CLEC12A: variants seen among roughly 807,000 people sequenced by gnomAD.
CLEC12A encodes C-type lectin domain family 12 member A.
CLEC12A carries 22 observed loss-of-function variants against 26.5 expected under a neutral mutation model. The ratio of observed to expected loss-of-function variants is 0.83; its 90% CI spans 0.59 to 1.19. CLEC12A has a LOEUF of 1.19. Ranked by LOEUF, CLEC12A falls within the 50% of genes most tolerant of loss-of-function variation. CLEC12A has a pLI of 0.00. For synonymous variants in CLEC12A, 119 were observed against 101.9 expected (o/e 1.17, Z -1.01); for missense variants, 353 against 315.6 (o/e 1.12, Z -0.90).
chr12:9,998,479 A>G (rs1865105249), downstream of CLEC12A: 1 of 763,766 alleles, frequency 1.3e-6, no homozygotes, highest in Non-Finnish European at 2.3e-6. Context: ...AGGGTCCTCC[A>G]AGTAATAGAA....
At chr12:10,002,029 A>G in the CLEC12A span, among the ~76,000 whole-genome samples, 158 of 151,458 alleles carry the variant, frequency 1.0e-3, 1 homozygote, top group South Asian at 0.018. Context: ...ACAGGCGCCC[A>G]CCACCACGCC....
downstream of CLEC12A, among the ~76,000 whole-genome samples, chr12:9,989,175 G>A (rs1293440960): frequency 6.8e-6 from 1 of 146,068 alleles, no homozygotes; most frequent in Non-Finnish European, 1.5e-5. Flanking sequence ...AGAACACCTG[G>A]ACACAGGAAG....
rs1864118281 is a variant in CLEC12A, at chr12:9,971,437, G to A, written c.-160G>A. ...TCATTTGCAGACATATGGGTGATTG[G>A]TACAGTAGGTTTATAAACAGAAGTT... On this transcript the variant is annotated 5_prime_UTR_variant, in exon 1 of 6. It introduces an in-frame stop codon into an upstream open reading frame of the 5' UTR. Transcript: ENST00000304361. The A allele has an allele frequency of 7.4e-7, 1 of 1,349,286 alleles. No individual in the cohort carries two copies. The highest frequency in any genetic ancestry group is 9.5e-7 in the Non-Finnish European group (1 of 1,051,830). 83.6% of individuals were successfully genotyped at this position (1,349,286 alleles called of 1,614,324 possible).
intron 4 of CLEC12A, chr12:9,992,843 A>C (rs1163073663): frequency 3.1e-5 from 8 of 257,746 alleles, no homozygotes; most frequent in Middle Eastern, 2.6e-3. Flanking sequence ...TTTTGATGTT[A>C]TATGTGTATA....
intron 1 of CLEC12A, among the ~76,000 whole-genome samples, chr12:9,977,045 A>T (rs956266418): frequency 6.6e-6 from 1 of 152,148 alleles, no homozygotes; most frequent in African/African-American, 2.4e-5. Context: ...AGTCTTGGGT[A>T]TGTCTTATTA....
At position 9,984,971 on chromosome 12, in the gene CLEC12A, G is replaced by A. The variant is rs146428503; in HGVS notation, c.743G>A (p.Cys248Tyr). 46 of 1,556,018 alleles carry A rather than the reference G, an allele frequency of 3.0e-5. No individual in the cohort carries two copies. The highest frequency in any genetic ancestry group is 3.9e-5 in the Non-Finnish European group (45 of 1,148,426). ...YHCTYKKRMI[C>Y]EKMANPVQLG... is the part of the protein sequence containing the mutation. Reference sequence around the variant, plus strand: ...TGCACTTATAAAAAAAGAATGATATGTGAGAAGATGGCCAATCCAGTGCAG... The same window carrying A: ...TGCACTTATAAAAAAAGAATGATATATGAGAAGATGGCCAATCCAGTGCAG... The change falls in exon 6 of 6, where the codon TGT becomes TAT. Residue 248 changes from cysteine to tyrosine, a missense_variant. By Grantham distance (194) the Cys-to-Tyr change is radical. Transcript: ENST00000304361.
upstream of CLEC12A, among the ~76,000 whole-genome samples, chr12:9,969,774 A>G (rs1864060715): frequency 6.6e-6 from 1 of 152,156 alleles, no homozygotes; most frequent in Non-Finnish European, 1.5e-5. Context: ...ACCTAGGAAA[A>G]ATAGAGGGCT....
At position 9,962,106 on chromosome 12, in the gene CLEC12A, G is replaced by A. The variant is rs377754637; in HGVS notation, c.11-9471G>A. Among the ~76,000 whole-genome samples the A allele has an allele frequency of 1.5e-4, 23 of 152,154 alleles. 1 individual carries two copies. The highest frequency in any genetic ancestry group is 3.1e-4 in the Non-Finnish European group (21 of 68,040). Reference sequence around the variant, plus strand: ...ATTGCTACCAGCAATGTTCTCTCAGGCCTAATGTAGTAATGGCTTCCGGCA... The same window carrying A: ...ATTGCTACCAGCAATGTTCTCTCAGACCTAATGTAGTAATGGCTTCCGGCA... On this transcript the variant is annotated intron_variant, in intron 1 of 6. Coordinates refer to the CLEC12A transcript ENST00000355690.
At chr12:9,965,802 C>A (rs546116763) in intron 1 of CLEC12A, among the ~76,000 whole-genome samples, 5 of 152,096 alleles carry the variant, frequency 3.3e-5, no homozygotes, top group Admixed American at 3.3e-4. Context: ...TTAAAGCGTG[C>A]TGTGGGATAG....
intron 1 of CLEC12A, among the ~76,000 whole-genome samples, chr12:9,955,179 C>CG (rs1157244391): frequency 4.6e-5 from 7 of 152,136 alleles, no homozygotes; most frequent in Non-Finnish European, 7.3e-5. Flanking sequence ...CTCTGCCTCC[C>CG]GGGTTCACGC....
intron 3 of CLEC12A, among the ~76,000 whole-genome samples, 169 bp from the exon 4 acceptor site, chr12:9,980,413 G>C (rs534672644): frequency 8.6e-5 from 13 of 150,410 alleles, no homozygotes; most frequent in Admixed American, 1.3e-4. Flanking sequence ...TCTCCAGTTT[G>C]GGCAATAGAG....
At chr12:10,002,650 G>A in the CLEC12A span, among the ~76,000 whole-genome samples, 1 of 151,920 alleles carries the variant, frequency 6.6e-6, no homozygotes, top group Non-Finnish European at 1.5e-5. Flanking sequence ...CACCGTGTTA[G>A]CCAGGATGAT....
At chr12:9,996,999 T>C (rs750379712), downstream of CLEC12A, 7 of 1,613,662 alleles carry the variant, frequency 4.3e-6, no homozygotes, top group African/African-American at 1.3e-5. Context: ...ATTTATGACC[T>C]TCTGGAGAAA....
At chr12:9,995,136 T>C (rs1865007569) in exon 5 of CLEC12A, 1 of 1,611,932 alleles carries the variant, frequency 6.2e-7, no homozygotes, top group Non-Finnish European at 8.5e-7. Flanking sequence ...GTCCAGTGAC[T>C]TACATATTTT....
At position 9,993,076 on chromosome 12, in the gene CLEC12A, G is replaced by A. The variant is rs982645397; in HGVS notation, n.1005-1942G>A. On this transcript the variant is annotated intron_variant and non_coding_transcript_variant, in intron 4 of 4. Coordinates refer to the CLEC12A transcript ENST00000449959. ...AAATAAGCAATTTTCAGCTACTGATGCATTCATACATATCTTTTATTGTAC... is the reference window on the plus strand; with the variant it reads ...AAATAAGCAATTTTCAGCTACTGATACATTCATACATATCTTTTATTGTAC... 9.9e-6 allele frequency: 14 copies of A among 1,407,332 alleles called. No individual in the cohort carries two copies. The African/African-American group carries it at 1.9e-4, about 19-fold the overall frequency. 87.2% of individuals were successfully genotyped at this position (1,407,332 alleles called of 1,614,324 possible).
chr12:9,999,498 C>T (rs976664599), downstream of CLEC12A, among the ~76,000 whole-genome samples: 9 of 152,064 alleles, frequency 5.9e-5, no homozygotes, highest in African/African-American at 1.7e-4. Flanking sequence ...GAGATTTCTG[C>T]TGAAAATTCA....
chr12:9,966,042 C>A (rs1231297251), intron 1 of CLEC12A, among the ~76,000 whole-genome samples: 1 of 151,994 alleles, frequency 6.6e-6, no homozygotes, highest in Non-Finnish European at 1.5e-5. Flanking sequence ...AGTGTCTCAG[C>A]CTAATAAGGG....
chr12:9,971,379 T>A, upstream of CLEC12A: 1 of 1,160,406 alleles, frequency 8.6e-7, no homozygotes, highest in South Asian at 3.7e-5. Flanking sequence ...AACAGTTCAA[T>A]GTTCTTAACT....
the CLEC12A span, among the ~76,000 whole-genome samples, chr12:10,002,031 C>A: frequency 1.3e-5 from 2 of 151,980 alleles, no homozygotes; most frequent in Non-Finnish European, 2.9e-5. Context: ...AGGCGCCCAC[C>A]ACCACGCCTG....
Sources: gnomAD v4.1 joint callset for allele counts (sites outside exome capture counted in the v4.1 genomes callset) on GRCh38, gnomAD v4.1.1 for gene constraint, MANE v1.5 for transcripts, NCBI Gene and HGNC (gene_info 2026-07-23, HGNC 2026-07-21) for gene names.